The following RELL1 variants were observed in gnomAD, a reference collection of about 807,000 sequenced individuals.
RELL1 encodes the protein RELT like 1.
In RELL1, 10 loss-of-function variants were observed where a neutral mutation model predicts 23.0. The observed-to-expected ratio is 0.43, with a 90% CI of 0.27 to 0.74. The LOEUF is 0.74. Ranked by LOEUF, RELL1 falls within the 30% of genes least tolerant of loss-of-function variation. The pLI, the probability that RELL1 is intolerant of heterozygous loss-of-function variation, is 0.19. For missense variants in RELL1, 315 were observed against 364.4 expected, an observed-to-expected ratio of 0.86 and a Z score of 1.10; for synonymous variants, 146 against 146.8, an observed-to-expected ratio of 0.99 and a Z score of 0.04.
intron 6 of RELL1, among the ~76,000 whole-genome samples, chr4:37,595,102 C>G (rs987488057): frequency 6.6e-6 from 1 of 152,262 alleles, no homozygotes; most frequent in African/African-American, 2.4e-5. Flanking sequence ...TTTAAATCCT[C>G]TATTTTGGAG....
Position 37,638,305 on chromosome 4 carries a change from A to T in RELL1, c.443+142T>A, listed in dbSNP as rs999760351. On this transcript the variant is annotated intron_variant, in intron 4 of 6. Coordinates refer to ENST00000454158, the MANE Select transcript of RELL1 (RefSeq NM_001085400.2). ...CTCAATACACAGGACAGTTCCGCAC[A>T]GCAAAGAACTACCTGGTCCCAAAAT... 103 of 685,362 alleles carry T rather than the reference A, an allele frequency of 1.5e-4. No homozygotes were observed. The African/African-American group carries it at 1.7e-3, about 12-fold the overall frequency. 42.5% of individuals were successfully genotyped at this position (685,362 alleles called of 1,614,324 possible). A position where few individuals can be genotyped will look rare whatever the true frequency, so the allele number is the denominator to read the frequency against.
downstream of RELL1, among the ~76,000 whole-genome samples, chr4:37,605,706 C>T (rs1480030280): frequency 6.6e-6 from 1 of 150,592 alleles, no homozygotes; most frequent in East Asian, 2.0e-4. Context: ...TGTACCACTG[C>T]ACTCTGGCCT....
chr4:37,663,114 C>T (rs775709493), intron 1 of RELL1, among the ~76,000 whole-genome samples: 32 of 152,140 alleles, frequency 2.1e-4, no homozygotes, highest in Non-Finnish European at 3.8e-4. Flanking sequence ...AAGCAATACC[C>T]GTGGGGCTCA....
chr4:37,673,393 T>C (rs1721909829), intron 1 of RELL1, among the ~76,000 whole-genome samples: 2 of 151,890 alleles, frequency 1.3e-5, no homozygotes, highest in African/African-American at 4.8e-5. Flanking sequence ...GGTCTTGCTA[T>C]GGTTTTCGGG....
At chr4:37,630,700 G>T (rs578040163) in intron 6 of RELL1, among the ~76,000 whole-genome samples, 3 of 151,652 alleles carry the variant, frequency 2.0e-5, no homozygotes, top group Non-Finnish European at 4.4e-5. Flanking sequence ...TTTAAGCAGT[G>T]TCTTGCAAAA....
intron 3 of RELL1, among the ~76,000 whole-genome samples, chr4:37,641,777 C>T (rs767688336): frequency 2.6e-5 from 4 of 152,168 alleles, no homozygotes; most frequent in African/African-American, 7.2e-5. Context: ...TTTCCTCACA[C>T]CTAAGGCAAA....
At position 37,634,867 on chromosome 4, in the gene RELL1, A is replaced by G; in HGVS notation, c.680+20T>C. On this transcript the variant is annotated intron_variant, in intron 5 of 6. Transcript: ENST00000454158. The stretch of plus-strand genomic sequence containing the variant: ...GCACCCATGTCACACACAAACCAAA[A>G]GCATCTGAAGGGATCTTACCTGCCA... 6.2e-7 allele frequency: 1 copy of G among 1,608,936 alleles called. No homozygotes were observed. Among genetic ancestry groups the G allele is most frequent in the Non-Finnish European group, 8.5e-7 (1 of 1,175,224 alleles).
chr4:37,628,880 T>C (rs985975782), intron 6 of RELL1, among the ~76,000 whole-genome samples: 2 of 152,214 alleles, frequency 1.3e-5, no homozygotes, highest in South Asian at 2.1e-4. Flanking sequence ...GAATATCTCA[T>C]TGTAAATCAG....
intron 3 of RELL1, among the ~76,000 whole-genome samples, chr4:37,644,009 G>A (rs956146622): frequency 2.0e-5 from 3 of 152,182 alleles, no homozygotes; most frequent in Non-Finnish European, 4.4e-5. Context: ...GCATGGACAG[G>A]AGAAGAGGGG....
chr4:37,648,987 T>C (rs1271223714), intron 2 of RELL1, among the ~76,000 whole-genome samples: 1 of 152,214 alleles, frequency 6.6e-6, no homozygotes, highest in Non-Finnish European at 1.5e-5. Flanking sequence ...AAGATTAAAT[T>C]AATTAAAAAT....
At chr4:37,672,661 T>G (rs967429924) in intron 1 of RELL1, among the ~76,000 whole-genome samples, 4 of 149,848 alleles carry the variant, frequency 2.7e-5, no homozygotes, top group African/African-American at 9.8e-5. Flanking sequence ...TCTACTTAGT[T>G]TGTGTAACTA....
intron 6 of RELL1, among the ~76,000 whole-genome samples, chr4:37,593,235 G>A (rs543828986): frequency 2.9e-4 from 44 of 152,232 alleles, no homozygotes; most frequent in African/African-American, 8.9e-4. Context: ...TGTATGGGAC[G>A]AGTGTTTTAT....
chr4:37,638,365 C>G, intron 4 of RELL1, 82 bp downstream of exon 4: 6 of 1,087,642 alleles, frequency 5.5e-6, no homozygotes, highest in Non-Finnish European at 8.3e-6. Context: ...CCTGCTCTAG[C>G]AGAAGAGCAT....
intron 6 of RELL1, among the ~76,000 whole-genome samples, chr4:37,629,646 G>A (rs1186312251): frequency 6.6e-6 from 1 of 152,156 alleles, no homozygotes; most frequent in African/African-American, 2.4e-5. Context: ...CTCAGGAAGA[G>A]ACGCCAGATC....
chr4:37,629,312 G>T (rs1387526538), intron 6 of RELL1, among the ~76,000 whole-genome samples: 3 of 152,142 alleles, frequency 2.0e-5, no homozygotes, highest in Non-Finnish European at 2.9e-5. Flanking sequence ...TAATCAGAAT[G>T]CTCCTCTTTC....
chr4:37,623,034 A>AC, intron 6 of RELL1: 2 of 347,194 alleles, frequency 5.8e-6, no homozygotes, highest in South Asian at 4.3e-5. Flanking sequence ...CGAACTCCTG[A>AC]CCTCATGATC....
chr4:37,624,583 C>T (rs908501052), intron 6 of RELL1, among the ~76,000 whole-genome samples: 1 of 151,776 alleles, frequency 6.6e-6, no homozygotes, highest in Admixed American at 6.6e-5. Context: ...GCCACCACGC[C>T]CGGCTAATTT....
At chr4:37,682,214 TC>T (rs963412144) in intron 1 of RELL1, among the ~76,000 whole-genome samples, 34 of 152,356 alleles carry the variant, frequency 2.2e-4, no homozygotes, top group African/African-American at 8.2e-4. Flanking sequence ...AATTCCTTTT[TC>T]CTAAAAGAGT....
chr4:37,588,770 G>GA (rs963920813), downstream of RELL1: 2,083 of 1,034,000 alleles, frequency 2.0e-3, no homozygotes, highest in Non-Finnish European at 2.4e-3. Context: ...AGTCTCTAGG[G>GA]AAAAAAAAAG....
Sources: allele counts gnomAD v4.1 joint callset (sites outside exome capture counted in the v4.1 genomes callset), GRCh38; gene constraint gnomAD v4.1.1; transcripts MANE v1.5; gene names NCBI Gene and HGNC (gene_info 2026-07-23, HGNC 2026-07-21).